Variants in PTPN14 observed in about 807,000 individuals in gnomAD.
PTPN14 encodes the protein tyrosine-protein phosphatase non-receptor type 14.
Under a neutral mutation model 126.8 loss-of-function variants are expected in PTPN14, and 53 were observed. The observed-to-expected ratio is 0.42, with a 90% CI of 0.34 to 0.53. The LOEUF is 0.53. Among genes scored for constraint, PTPN14 ranks in the 20% least tolerant of loss-of-function variants. PTPN14 has a pLI of 0.08. For missense variants in PTPN14, 1,257 were observed against 1,552.9 expected, an observed-to-expected ratio of 0.81 and a Z score of 3.20; for synonymous variants, 630 against 599.3, an observed-to-expected ratio of 1.05 and a Z score of -0.75.
intron 1 of PTPN14, among the ~76,000 whole-genome samples, chr1:214,522,535 TG>T (rs1655286079): frequency 6.6e-6 from 1 of 152,184 alleles, no homozygotes; most frequent in Non-Finnish European, 1.5e-5. Flanking sequence ...TAAATATATA[TG>T]CAATACCTGT....
Position 214,386,961 on chromosome 1 carries a change from C to G in PTPN14, c.988-39G>C, listed in dbSNP as rs746082716. 3.5e-5 allele frequency: 53 copies of G among 1,516,844 alleles called. 1 individual carries two copies. In the East Asian group the frequency reaches 1.2e-3, roughly 34 times the overall value. The allele number at this position is 1,516,844 out of a possible 1,614,324, so 94.0% of individuals were successfully genotyped here. A position where few individuals can be genotyped will look rare whatever the true frequency, so the allele number is the denominator to read the frequency against. On this transcript the variant is annotated intron_variant, in intron 11 of 18. Transcript: ENST00000366956. ...CACAGAGGAGGTGGGGAGGCCTGGG[C>G]AGACACGGCTGGTGACTCACACAGC...
chr1:214,496,435 A>C (rs764940053), intron 1 of PTPN14, among the ~76,000 whole-genome samples: 1 of 152,134 alleles, frequency 6.6e-6, no homozygotes, highest in Non-Finnish European at 1.5e-5. Flanking sequence ...CTCACTCATG[A>C]CCCATACCAA....
intron 1 of PTPN14, among the ~76,000 whole-genome samples, chr1:214,501,157 A>G (rs11120345): frequency 0.074 from 11,203 of 152,260 alleles, 1,087 homozygotes; most frequent in African/African-American, 0.22. Context: ...GTCTTTTCAT[A>G]TTTTAATAAT....
chr1:214,399,005 G>A (rs1658954362), intron 7 of PTPN14, among the ~76,000 whole-genome samples: 2 of 151,884 alleles, frequency 1.3e-5, no homozygotes, highest in Admixed American at 1.3e-4. Context: ...TTGACCTCGT[G>A]ATCCACCCGC....
chr1:214,513,756 G>A (rs6699440), intron 1 of PTPN14, among the ~76,000 whole-genome samples: 270 of 152,236 alleles, frequency 1.8e-3, no homozygotes, highest in African/African-American at 6.3e-3. Flanking sequence ...TTCTCGATCG[G>A]TAAAATGGGG....
At chr1:214,494,309 G>T (rs895396263) in intron 1 of PTPN14, among the ~76,000 whole-genome samples, 2 of 151,968 alleles carry the variant, frequency 1.3e-5, no homozygotes, top group African/African-American at 2.4e-5. Flanking sequence ...TGATCCGCCC[G>T]CCTTGGCTTC....
intron 3 of PTPN14, among the ~76,000 whole-genome samples, chr1:214,432,858 T>G (rs1659825500): frequency 6.6e-6 from 1 of 152,174 alleles, no homozygotes. Flanking sequence ...ATGCTCTGAT[T>G]CTTGAACTAG....
Position 214,526,157 on chromosome 1 carries a change from G to T in PTPN14, c.-155+25026C>A, listed in dbSNP as rs190637915. 4.8e-3 allele frequency among the ~76,000 whole-genome samples: 722 copies of T among 151,822 alleles called. 11 individuals are homozygous for T. Among genetic ancestry groups the T allele is most frequent in the Non-Finnish European group, 3.4e-3 (233 of 67,922 alleles). ...ATTTTTATATTTTTAGTAGACAGGG[G>T]TTTTCACCATGTTGGCCAGGCTGGT... On this transcript the variant is annotated intron_variant, in intron 1 of 18. Transcript: ENST00000366956.
chr1:214,386,114 T>C (rs776045620), intron 12 of PTPN14, among the ~76,000 whole-genome samples: 1 of 152,208 alleles, frequency 6.6e-6, no homozygotes, highest in Non-Finnish European at 1.5e-5. Context: ...CATATATAAG[T>C]TCCATCATTA....
chr1:214,442,092 A>C (rs1207197876), intron 3 of PTPN14, among the ~76,000 whole-genome samples: 1 of 152,250 alleles, frequency 6.6e-6, no homozygotes, highest in African/African-American at 2.4e-5. Context: ...CTTTTGAGAA[A>C]AGTTCCAAAT....
At chr1:214,408,371 T>C (rs1033121207) in intron 5 of PTPN14, among the ~76,000 whole-genome samples, 3 of 152,158 alleles carry the variant, frequency 2.0e-5, no homozygotes, top group Admixed American at 1.3e-4. Flanking sequence ...CTTTCAAAAT[T>C]TTTTAATCCC....
rs1659382722 is a variant in PTPN14, at chr1:214,414,563, G to C, written c.442+66C>G. The C allele has an allele frequency of 2.2e-6, 3 of 1,386,952 alleles. No homozygotes were observed. In the East Asian group the frequency reaches 6.9e-5, roughly 32 times the overall value. The allele number at this position is 1,386,952 out of a possible 1,614,324, so 85.9% of individuals were successfully genotyped here. On this transcript the variant is annotated intron_variant, in intron 4 of 18. Transcript: ENST00000366956. ...AAGTAAATCTAACTTCTCACTCTGAGAGGCCAGCAACACCATGATCAAACA... is the reference window on the plus strand; with the variant it reads ...AAGTAAATCTAACTTCTCACTCTGACAGGCCAGCAACACCATGATCAAACA...
At chr1:214,471,634 G>C (rs994033531) in intron 1 of PTPN14, among the ~76,000 whole-genome samples, 3 of 152,160 alleles carry the variant, frequency 2.0e-5, no homozygotes, top group South Asian at 4.1e-4. Flanking sequence ...AAATGAAGGT[G>C]GGGGGTGAGG....
intron 16 of PTPN14, chr1:214,372,490 T>G (rs577854182): frequency 1.6e-6 from 1 of 608,124 alleles, no homozygotes; most frequent in Admixed American, 3.3e-5. Context: ...AAAAGCCAGA[T>G]GAAAATGGGA....
At chr1:214,482,315 A>G (rs1661008491) in intron 1 of PTPN14, among the ~76,000 whole-genome samples, 1 of 152,182 alleles carries the variant, frequency 6.6e-6, no homozygotes, top group South Asian at 2.1e-4. Flanking sequence ...AAGGTGCTTT[A>G]GAAGTCCAGT....
intron 3 of PTPN14, among the ~76,000 whole-genome samples, chr1:214,439,256 T>C (rs1659985719): frequency 6.6e-6 from 1 of 152,212 alleles, no homozygotes; most frequent in African/African-American, 2.4e-5. Context: ...AGCTATCTTT[T>C]CACAGTTGGC....
intron 14 of PTPN14, among the ~76,000 whole-genome samples, chr1:214,377,162 A>G (rs1310284410): frequency 1.3e-5 from 2 of 152,216 alleles, no homozygotes; most frequent in Non-Finnish European, 2.9e-5. Flanking sequence ...TGGTCATACG[A>G]GGGGACAGCA....
intron 1 of PTPN14, among the ~76,000 whole-genome samples, chr1:214,523,739 A>G (rs2102460444): frequency 6.6e-6 from 1 of 152,158 alleles, no homozygotes; most frequent in Non-Finnish European, 1.5e-5. Context: ...CAAGGCCTGG[A>G]GTCCCTCCTC....
At chr1:214,423,154 G>T in intron 3 of PTPN14, among the ~76,000 whole-genome samples, 1 of 151,734 alleles carries the variant, frequency 6.6e-6, no homozygotes, top group Non-Finnish European at 1.5e-5. Context: ...AGGGGGGAGG[G>T]AGGGGAAGGA....
Sources: gnomAD v4.1 joint callset for allele counts (sites outside exome capture counted in the v4.1 genomes callset) on GRCh38, gnomAD v4.1.1 for gene constraint, MANE v1.5 for transcripts, NCBI Gene and HGNC (gene_info 2026-07-23, HGNC 2026-07-21) for gene names.